The following MYO16 variants were observed in gnomAD, a reference collection of about 807,000 sequenced individuals.
MYO16 encodes myosin XVI.
A neutral mutation model predicts 205.3 loss-of-function variants in MYO16; 94 were observed. The ratio of observed to expected loss-of-function variants is 0.46; its 90% CI spans 0.39 to 0.54. The LOEUF (loss-of-function observed/expected upper bound fraction) is 0.54, where lower values mean the gene tolerates loss of function less well. MYO16 is among the 20% of genes least tolerant of loss of function. The pLI, the probability that MYO16 is intolerant of heterozygous loss-of-function variation, is 0.00. For synonymous variants in MYO16, 988 were observed against 954.0 expected, an observed-to-expected ratio of 1.04 and a Z score of -0.66; for missense variants, 2,315 against 2,387.5, an observed-to-expected ratio of 0.97 and a Z score of 0.63.
At chr13:108,539,453 A>G in the MYO16 span, among the ~76,000 whole-genome samples, 22,136 of 152,068 alleles carry the variant, frequency 0.15, 1,967 homozygotes, top group Non-Finnish European at 0.2. Flanking sequence ...AAGATCTAAA[A>G]CATCTATTAA....
chr13:109,153,914 C>A (rs118024486), intron 32 of MYO16, among the ~76,000 whole-genome samples: 1 of 152,170 alleles, frequency 6.6e-6, no homozygotes, highest in Non-Finnish European at 1.5e-5. Flanking sequence ...TTAGGCTCAG[C>A]CTTTCTCTAC....
chr13:108,812,853 T>G (rs542435415), intron 7 of MYO16, among the ~76,000 whole-genome samples: 10 of 152,244 alleles, frequency 6.6e-5, no homozygotes, highest in African/African-American at 2.4e-4. Context: ...GATATAATGA[T>G]CTTTCCCTCT....
intron 1 of MYO16, among the ~76,000 whole-genome samples, chr13:108,655,517 G>A (rs903657556): frequency 3.3e-5 from 5 of 152,216 alleles, no homozygotes; most frequent in Non-Finnish European, 5.9e-5. Flanking sequence ...GTGTGGAAGG[G>A]AAATGTGGGG....
At chr13:108,779,279 A>C (rs1886223460) in intron 4 of MYO16, among the ~76,000 whole-genome samples, 1 of 152,218 alleles carries the variant, frequency 6.6e-6, no homozygotes, top group Admixed American at 6.5e-5. Flanking sequence ...GTTAGCATCC[A>C]GCCAGGATCC....
At chr13:109,009,124 C>A in intron 22 of MYO16, 75 bp downstream of exon 22, 1 of 1,230,052 alleles carries the variant, frequency 8.1e-7, no homozygotes, top group Non-Finnish European at 1.1e-6. Context: ...AATTTTCTTT[C>A]AGGACGCCTT....
intron 22 of MYO16, among the ~76,000 whole-genome samples, chr13:109,017,825 A>T (rs964968649): frequency 1.3e-5 from 2 of 152,116 alleles, no homozygotes; most frequent in Non-Finnish European, 2.9e-5. Context: ...AGGTCATTTA[A>T]GGTCTTCTCT....
chr13:108,930,786 G>A (rs553473545), intron 16 of MYO16, among the ~76,000 whole-genome samples: 4 of 152,192 alleles, frequency 2.6e-5, no homozygotes, highest in African/African-American at 9.6e-5. Flanking sequence ...TAAATAATAT[G>A]TTTGTCCACC....
intron 13 of MYO16, among the ~76,000 whole-genome samples, chr13:108,887,360 C>G (rs978176339): frequency 6.6e-6 from 1 of 152,120 alleles, no homozygotes; most frequent in Non-Finnish European, 1.5e-5. Context: ...ATAGATGTTT[C>G]CAGGCAGAAA....
rs563455755 is a variant in MYO16, at chr13:109,013,774, G to T, written c.2595+4725G>T. 3.9e-5 allele frequency among the ~76,000 whole-genome samples: 6 copies of T among 152,290 alleles called. No homozygotes were observed. The East Asian group carries it at 1.2e-3, about 29-fold the overall frequency. On this transcript the variant is annotated intron_variant, in intron 22 of 34. Coordinates refer to ENST00000457511, the MANE Select transcript of MYO16 (RefSeq NM_001198950.3). ...CTGCATAAATATCTTCTTTTGAAAA[G>T]TGTCTGTTCATATCCTTTGTCCACT...
upstream of MYO16, among the ~76,000 whole-genome samples, chr13:108,626,809 G>A (rs1194601291): frequency 6.7e-6 from 1 of 149,590 alleles, no homozygotes; most frequent in Non-Finnish European, 1.5e-5. Context: ...CATCTCAAAA[G>A]AGAAAATAAA....
intron 6 of MYO16, among the ~76,000 whole-genome samples, chr13:108,798,872 A>AT (rs1486909048): frequency 1.5e-5 from 2 of 136,190 alleles, no homozygotes; most frequent in South Asian, 2.6e-4. Flanking sequence ...CGCCCGGCTA[A>AT]TTTTTTGTAT....
chr13:109,168,961 A>G (rs1878815149), intron 33 of MYO16, among the ~76,000 whole-genome samples: 2 of 152,078 alleles, frequency 1.3e-5, no homozygotes, highest in Non-Finnish European at 1.5e-5. Flanking sequence ...GTCCACATCA[A>G]CTGAATAGTA....
chr13:109,055,382 C>A lies in MYO16; in HGVS notation c.3130-8C>A. 1 of 1,602,606 alleles carries A rather than the reference C, an allele frequency of 6.2e-7. No individual in the cohort carries two copies. The highest frequency in any genetic ancestry group is 1.1e-5 in the South Asian group (1 of 90,424). ...GGAGAATCAGTTGGGTTCTACTTCTCTCCTTAGAAATCACTAATGGATATT... is the reference window on the plus strand; with the variant it reads ...GGAGAATCAGTTGGGTTCTACTTCTATCCTTAGAAATCACTAATGGATATT... On this transcript the variant is annotated splice_polypyrimidine_tract_variant and splice_region_variant and intron_variant, in intron 26 of 34. Coordinates refer to ENST00000457511, the MANE Select transcript of MYO16 (RefSeq NM_001198950.3). This position sits in a 1 kb window ranked among gnomAD's most constrained non-coding sequence, Gnocchi z 5.0.
chr13:109,031,152 C>T (rs550491137), intron 23 of MYO16, among the ~76,000 whole-genome samples: 56 of 152,168 alleles, frequency 3.7e-4, no homozygotes, highest in African/African-American at 1.3e-3. Context: ...AGTGCAACGG[C>T]GCGATCTCGG....
intron 16 of MYO16, among the ~76,000 whole-genome samples, chr13:108,912,051 G>C (rs1881290603): frequency 6.6e-6 from 1 of 152,152 alleles, no homozygotes; most frequent in Non-Finnish European, 1.5e-5. Flanking sequence ...GGAGATGCAG[G>C]AGTGTCAGCA....
chr13:108,924,082 A>G (rs1023800576), intron 16 of MYO16, among the ~76,000 whole-genome samples: 3 of 152,228 alleles, frequency 2.0e-5, no homozygotes, highest in African/African-American at 7.2e-5. Context: ...TTAGGGCCAT[A>G]AAGTCCAAAG....
the MYO16 span, among the ~76,000 whole-genome samples, chr13:108,553,050 G>C: frequency 8.3e-6 from 1 of 120,108 alleles, no homozygotes; most frequent in Admixed American, 1.0e-4. Context: ...ACAGAGTCTT[G>C]CTCTGTCACC....
chr13:108,753,238 C>T (rs980131433), intron 4 of MYO16, among the ~76,000 whole-genome samples: 14 of 151,632 alleles, frequency 9.2e-5, no homozygotes, highest in African/African-American at 2.9e-4. Context: ...GGTGTGTTGG[C>T]GGGCGCCTGT....
intron 25 of MYO16, among the ~76,000 whole-genome samples, chr13:109,052,980 C>T (rs371480028): frequency 2.6e-5 from 4 of 151,984 alleles, no homozygotes; most frequent in African/African-American, 4.8e-5. Flanking sequence ...ATATTTGTCT[C>T]GCAAAAGTTT....
Sources: gnomAD v4.1 joint callset for allele counts (sites outside exome capture counted in the v4.1 genomes callset) on GRCh38, gnomAD v4.1.1 for gene constraint, Gnocchi (gnomAD v3.1) non-coding constraint, MANE v1.5 for transcripts, NCBI Gene and HGNC (gene_info 2026-07-23, HGNC 2026-07-21) for gene names.